The following DTNB variants were observed in gnomAD, a reference collection of about 807,000 sequenced individuals.
The protein encoded by DTNB is dystrobrevin beta.
Under a neutral mutation model 90.7 loss-of-function variants are expected in DTNB, and 63 were observed. That is an observed-to-expected ratio of 0.69 (90% CI 0.57 to 0.86). The LOEUF (loss-of-function observed/expected upper bound fraction) is 0.86, where lower values mean the gene tolerates loss of function less well. Among genes scored for constraint, DTNB ranks in the 40% least tolerant of loss-of-function variants. The pLI, the probability that DTNB is intolerant of heterozygous loss-of-function variation, is 0.00. For synonymous variants in DTNB, 277 were observed against 286.7 expected (o/e 0.97, Z 0.34); for missense variants, 744 against 807.1 (o/e 0.92, Z 0.95).
chr2:25,581,433 A>T lies in DTNB; in HGVS notation c.604-607T>A, dbSNP rs556410473. On this transcript the variant is annotated intron_variant, in intron 6 of 20. Coordinates refer to ENST00000406818, the MANE Select transcript of DTNB (RefSeq NM_021907.5). ...TAAATAATTTGACAACATCATAGAG[A>T]TAGTTACGATAAGGATGAGATTGGA... is the stretch of plus-strand genomic sequence containing the variant. Among the ~76,000 whole-genome samples, 4 of 152,378 alleles carry T rather than the reference A, an allele frequency of 2.6e-5. No individual in the cohort carries two copies. The South Asian group carries it at 8.3e-4, about 32-fold the overall frequency.
chr2:25,592,637 C>A (rs2063782546), intron 6 of DTNB, among the ~76,000 whole-genome samples: 2 of 151,402 alleles, frequency 1.3e-5, no homozygotes, highest in South Asian at 2.1e-4. Context: ...ATGTGTAATT[C>A]TCTTCATATC....
intron 10 of DTNB, among the ~76,000 whole-genome samples, chr2:25,458,705 T>C (rs2060453650): frequency 6.6e-6 from 1 of 152,080 alleles, no homozygotes; most frequent in South Asian, 2.1e-4. Flanking sequence ...AGTGCAGTGG[T>C]GCAATCTCTG....
At chr2:25,488,847 C>T (rs867460693) in intron 9 of DTNB, among the ~76,000 whole-genome samples, 2 of 152,178 alleles carry the variant, frequency 1.3e-5, no homozygotes, top group South Asian at 4.1e-4. Context: ...GACGGGGTTT[C>T]GCCATGTTGG....
In DTNB at chr2:25,419,586, T is replaced by C. The variant is rs199773678; in HGVS notation, c.1555-51A>G. 6.2e-4 allele frequency: 956 copies of C among 1,539,390 alleles called. 6 individuals are homozygous for C. The highest frequency in any genetic ancestry group is 2.2e-3 in the Middle Eastern group (12 of 5,340). On this transcript the variant is annotated intron_variant, in intron 15 of 20. Transcript: ENST00000406818. ...AGGCAGAGGAAAAAAGGAGAGAAAT[T>C]AATGCCCATTAATGCCCATCACCAC...
At chr2:25,545,185 A>G (rs1453293173) in intron 8 of DTNB, among the ~76,000 whole-genome samples, 1 of 152,196 alleles carries the variant, frequency 6.6e-6, no homozygotes, top group African/African-American at 2.4e-5. Flanking sequence ...TAACTTTAAT[A>G]TTTTTGATTT....
At chr2:25,515,178 G>GA (rs916739419) in intron 9 of DTNB, among the ~76,000 whole-genome samples, 3 of 151,114 alleles carry the variant, frequency 2.0e-5, no homozygotes, top group African/African-American at 7.3e-5. Flanking sequence ...CAAACACACC[G>GA]AAAAAAAACA....
chr2:25,624,275 T>C (rs941659902), intron 4 of DTNB, among the ~76,000 whole-genome samples: 7 of 152,174 alleles, frequency 4.6e-5, no homozygotes, highest in Non-Finnish European at 1.0e-4. Flanking sequence ...CTAAAATGTA[T>C]AAAAGCAAGC....
intron 9 of DTNB, among the ~76,000 whole-genome samples, chr2:25,485,030 C>A (rs940996555): frequency 1.2e-4 from 19 of 152,156 alleles, no homozygotes; most frequent in African/African-American, 4.6e-4. Context: ...AGAACCAAAT[C>A]CAGCACAACA....
intron 8 of DTNB, among the ~76,000 whole-genome samples, chr2:25,546,742 GTC>G (rs2082506996): frequency 6.6e-6 from 1 of 152,154 alleles, no homozygotes. Flanking sequence ...CAGCGTGCAT[GTC>G]TCTGTCATTG....
At chr2:25,478,555 C>T (rs2064222571) in intron 10 of DTNB, among the ~76,000 whole-genome samples, 1 of 151,834 alleles carries the variant, frequency 6.6e-6, no homozygotes, top group South Asian at 2.1e-4. Context: ...GACAGAGTCT[C>T]GCTATGTTGC....
intron 4 of DTNB, among the ~76,000 whole-genome samples, chr2:25,608,113 A>G (rs1322501738): frequency 6.6e-6 from 1 of 152,248 alleles, no homozygotes; most frequent in Non-Finnish European, 1.5e-5. Context: ...TGTTAAAGTT[A>G]TCACAGGTAA....
chr2:25,463,404 C>T (rs530681835), intron 10 of DTNB, among the ~76,000 whole-genome samples: 1 of 152,344 alleles, frequency 6.6e-6, no homozygotes, highest in South Asian at 2.1e-4. Flanking sequence ...CTCGCTTACA[C>T]TGCCCCAATA....
At chr2:25,589,614 A>G (rs2063169289) in intron 6 of DTNB, among the ~76,000 whole-genome samples, 1 of 151,798 alleles carries the variant, frequency 6.6e-6, no homozygotes, top group African/African-American at 2.4e-5. Flanking sequence ...TCCTGACCTC[A>G]GGTGATCCAC....
intron 9 of DTNB, among the ~76,000 whole-genome samples, chr2:25,524,334 T>TCTAGTCAAACTAAATA (rs1449329215): frequency 6.6e-6 from 1 of 150,428 alleles, no homozygotes; most frequent in African/African-American, 2.4e-5. Flanking sequence ...TCAAAAGTTA[T>TCTAGTCAAACTAAATA]CTAGTCAAAC....
chr2:25,541,028 GATCA>G (rs2081130239), intron 8 of DTNB, among the ~76,000 whole-genome samples: 1 of 128,042 alleles, frequency 7.8e-6, no homozygotes, highest in Admixed American at 8.7e-5. Context: ...ACCCAAGAAT[GATCA>G]ATTAAAAAAA....
chr2:25,611,922 C>T (rs2068734836), intron 4 of DTNB, among the ~76,000 whole-genome samples: 1 of 151,976 alleles, frequency 6.6e-6, no homozygotes, highest in Admixed American at 6.6e-5. Context: ...ATAGACCAAG[C>T]AGAAGAATTA....
chr2:25,570,736 T>G lies in DTNB; in HGVS notation c.876+6102A>C, dbSNP rs369284306. 2.6e-5 allele frequency among the ~76,000 whole-genome samples: 4 copies of G among 152,330 alleles called. No homozygotes were observed. In the South Asian group the frequency reaches 8.3e-4, roughly 32 times the overall value. Reference sequence around the variant, plus strand: ...CACCTCACTGGAGGCAGGATCTTCCTCTTCTCCCAGATGTCCTCATATTGA... The same window carrying G: ...CACCTCACTGGAGGCAGGATCTTCCGCTTCTCCCAGATGTCCTCATATTGA... On this transcript the variant is annotated intron_variant, in intron 8 of 20. Coordinates refer to ENST00000406818, the MANE Select transcript of DTNB (RefSeq NM_021907.5).
chr2:25,538,458 TTTC>T (rs1476130841), intron 8 of DTNB, among the ~76,000 whole-genome samples: 3 of 152,110 alleles, frequency 2.0e-5, no homozygotes, highest in African/African-American at 7.2e-5. Flanking sequence ...TTTGTACAGT[TTTC>T]TTTTTTTTAG....
chr2:25,477,319 C>T (rs182100141), intron 10 of DTNB, among the ~76,000 whole-genome samples: 124 of 152,134 alleles, frequency 8.2e-4, no homozygotes, highest in African/African-American at 2.9e-3. Flanking sequence ...CCAAACCTGC[C>T]GTGTCTCTGA....
Sources: allele counts gnomAD v4.1 joint callset (sites outside exome capture counted in the v4.1 genomes callset), GRCh38; gene constraint gnomAD v4.1.1; transcripts MANE v1.5; gene names NCBI Gene and HGNC (gene_info 2026-07-23, HGNC 2026-07-21).